Variants in AGMO observed in about 807,000 individuals in gnomAD.
AGMO encodes glyceryl-ether monooxygenase.
A neutral mutation model predicts 60.2 loss-of-function variants in AGMO; 75 were observed. That is an observed-to-expected ratio of 1.25 (90% CI 1.03 to 1.51). AGMO has a LOEUF of 1.51. AGMO is among the 40% of genes most tolerant of loss of function. The pLI, the probability that AGMO is intolerant of heterozygous loss-of-function variation, is 0.00. For synonymous variants in AGMO, 261 were observed against 177.1 expected (o/e 1.47, Z -3.76); for missense variants, 763 against 525.5 (o/e 1.45, Z -4.42).
chr7:15,175,337 T>G, the AGMO span, among the ~76,000 whole-genome samples: 1 of 152,088 alleles, frequency 6.6e-6, no homozygotes, highest in African/African-American at 2.4e-5. Context: ...CCAGTTTCAC[T>G]TACTCAGAAT....
chr7:15,328,295 C>T (rs1781406350), intron 12 of AGMO, among the ~76,000 whole-genome samples: 1 of 152,022 alleles, frequency 6.6e-6, no homozygotes, highest in African/African-American at 2.4e-5. Context: ...TGGGTTTTCT[C>T]CATGTTGGCC....
At chr7:15,557,295 C>T (rs114762242) in intron 2 of AGMO, among the ~76,000 whole-genome samples, 2,171 of 152,118 alleles carry the variant, frequency 0.014, 57 homozygotes, top group African/African-American at 0.05. Context: ...TCTTCACAAA[C>T]GAATTAGCAA....
At chr7:15,142,947 A>G in the AGMO span, among the ~76,000 whole-genome samples, 2,140 of 152,312 alleles carry the variant, frequency 0.014, 37 homozygotes, top group African/African-American at 0.049. Context: ...CCATATTACA[A>G]ATGAGATACT....
At chr7:15,340,599 T>C (rs1781812735) in intron 12 of AGMO, among the ~76,000 whole-genome samples, 1 of 152,138 alleles carries the variant, frequency 6.6e-6, no homozygotes, top group South Asian at 2.1e-4. Context: ...AAGATACCAC[T>C]CAGGCAATGG....
chr7:15,394,251 T>G, intron 5 of AGMO, 72 bp from the exon 6 acceptor site: 1 of 1,127,656 alleles, frequency 8.9e-7, no homozygotes, highest in Non-Finnish European at 1.3e-6. Context: ...AATGCTCACA[T>G]TAGAAACTCA....
intron 10 of AGMO, among the ~76,000 whole-genome samples, chr7:15,367,320 CATTTA>C (rs1458024369): frequency 6.6e-6 from 1 of 151,768 alleles, no homozygotes; most frequent in Non-Finnish European, 1.5e-5. Context: ...AATTAATATG[CATTTA>C]ATTTATATAT....
intron 10 of AGMO, 73 bp downstream of exon 10, chr7:15,385,373 G>A (rs1783869049): frequency 2.0e-6 from 2 of 1,015,878 alleles, no homozygotes; most frequent in African/African-American, 3.2e-5. Flanking sequence ...GCCTTAATAT[G>A]GGGAGCTTAT....
chr7:15,244,018 T>A (rs558402632), intron 12 of AGMO, among the ~76,000 whole-genome samples: 1 of 152,330 alleles, frequency 6.6e-6, no homozygotes, highest in East Asian at 1.9e-4. Flanking sequence ...TCCACTCTGC[T>A]GAGCTAGAAG....
intron 3 of AGMO, among the ~76,000 whole-genome samples, chr7:15,515,610 A>T (rs536320693): frequency 1.3e-5 from 2 of 152,372 alleles, no homozygotes; most frequent in South Asian, 4.1e-4. Flanking sequence ...TGAAGGCAAT[A>T]TCTGTCTCCA....
rs77950778 is a variant in AGMO at position 15,441,833 on chromosome 7, G to C, written c.410-10725C>G. ...AAAGACAGGAAAATAGAGAAAAAAAGAGCACTGAAATCACTAGGTAGAAAG... is the reference window on the plus strand; with the variant it reads ...AAAGACAGGAAAATAGAGAAAAAAACAGCACTGAAATCACTAGGTAGAAAG... On this transcript the variant is annotated intron_variant, in intron 3 of 12. Transcript: ENST00000342526. 3.9e-3 allele frequency among the ~76,000 whole-genome samples: 600 copies of C among 152,226 alleles called. 3 individuals carry two copies. Among genetic ancestry groups the C allele is most frequent in the African/African-American group, 0.014 (570 of 41,540 alleles).
chr7:15,427,725 C>G, intron 4 of AGMO, among the ~76,000 whole-genome samples: 1 of 151,850 alleles, frequency 6.6e-6, no homozygotes, highest in African/African-American at 2.4e-5. Context: ...GAGTATTATT[C>G]TTAAGACATG....
the AGMO span, among the ~76,000 whole-genome samples, chr7:15,140,701 A>G: frequency 6.6e-6 from 1 of 152,118 alleles, no homozygotes; most frequent in African/African-American, 2.4e-5. Flanking sequence ...TATTTCAAAA[A>G]TTATGTTTTT....
At chr7:15,260,880 AT>A (rs1364586709) in intron 12 of AGMO, among the ~76,000 whole-genome samples, 1 of 151,902 alleles carries the variant, frequency 6.6e-6, no homozygotes, top group Non-Finnish European at 1.5e-5. Context: ...AACCACGCAA[AT>A]ACATGGAAAT....
intron 12 of AGMO, among the ~76,000 whole-genome samples, chr7:15,329,484 C>CA (rs1781438767): frequency 1.3e-5 from 2 of 152,134 alleles, no homozygotes; most frequent in African/African-American, 4.8e-5. Context: ...ACCAGGCAAA[C>CA]AAAAAATACG....
At chr7:15,407,106 G>A (rs370116652) in intron 5 of AGMO, among the ~76,000 whole-genome samples, 48 of 141,558 alleles carry the variant, frequency 3.4e-4, no homozygotes, top group Middle Eastern at 3.9e-3. Context: ...ACATATATGT[G>A]TGCATATGTA....
the AGMO span, among the ~76,000 whole-genome samples, chr7:15,120,998 G>A: frequency 1.6e-4 from 25 of 151,878 alleles, no homozygotes; most frequent in Admixed American, 3.9e-4. Context: ...ACAGGCCACC[G>A]TGTGTGATGT....
At chr7:15,233,344 C>T (rs1411849474) in intron 12 of AGMO, among the ~76,000 whole-genome samples, 1 of 152,162 alleles carries the variant, frequency 6.6e-6, no homozygotes, top group South Asian at 2.1e-4. Flanking sequence ...GAACCACACT[C>T]ACTTCCTGGA....
the AGMO span, among the ~76,000 whole-genome samples, chr7:15,185,304 T>G: frequency 1.3e-5 from 2 of 152,156 alleles, no homozygotes; most frequent in African/African-American, 2.4e-5. Context: ...AATTAGAGAA[T>G]CTAAGGTACT....
chr7:15,333,585 A>C (rs1178853684), intron 12 of AGMO, among the ~76,000 whole-genome samples: 2 of 150,344 alleles, frequency 1.3e-5, no homozygotes, highest in Non-Finnish European at 3.0e-5. Context: ...CTCTCTATAG[A>C]GACGAACTAC....
Sources: allele counts gnomAD v4.1 joint callset (sites outside exome capture counted in the v4.1 genomes callset), GRCh38; gene constraint gnomAD v4.1.1; transcripts MANE v1.5; gene names NCBI Gene and HGNC (gene_info 2026-07-23, HGNC 2026-07-21).